The following CEP112 variants were observed in gnomAD, a reference collection of about 807,000 sequenced individuals.
The protein encoded by CEP112 is centrosomal protein of 112 kDa.
In CEP112, 127 loss-of-function variants were observed where a neutral mutation model predicts 153.0. The ratio of observed to expected loss-of-function variants is 0.83; its 90% CI spans 0.72 to 0.96. The LOEUF (loss-of-function observed/expected upper bound fraction) is 0.96, where lower values mean the gene tolerates loss of function less well. CEP112 is among the 40% of genes least tolerant of loss of function. The pLI, the probability that CEP112 is intolerant of heterozygous loss-of-function variation, is 0.00. For synonymous variants in CEP112, 358 were observed against 374.4 expected, an observed-to-expected ratio of 0.96 and a Z score of 0.51; for missense variants, 1,089 against 1,101.2, an observed-to-expected ratio of 0.99 and a Z score of 0.16.
At chr17:65,921,116 C>A (rs1014821339) in intron 19 of CEP112, among the ~76,000 whole-genome samples, 1 of 151,970 alleles carries the variant, frequency 6.6e-6, no homozygotes, top group Non-Finnish European at 1.5e-5. Context: ...GCCCTTTGAA[C>A]TATCACTTAA....
At chr17:65,995,385 C>T (rs1175391635) in intron 17 of CEP112, among the ~76,000 whole-genome samples, 2 of 152,288 alleles carry the variant, frequency 1.3e-5, no homozygotes, top group East Asian at 1.9e-4. Context: ...TTCAAATAGA[C>T]ATCTTTGATA....
At chr17:65,814,681 T>C (rs181093308) in intron 21 of CEP112, among the ~76,000 whole-genome samples, 29 of 152,234 alleles carry the variant, frequency 1.9e-4, no homozygotes, top group East Asian at 1.2e-3. Flanking sequence ...CTCAGAGGAA[T>C]TGCAAACCTA....
chr17:66,129,442 A>G (rs1292111705), intron 6 of CEP112, among the ~76,000 whole-genome samples: 1 of 152,188 alleles, frequency 6.6e-6, no homozygotes, highest in East Asian at 1.9e-4. Context: ...CGGGCGACTC[A>G]CATAACTCAT....
chr17:65,736,973 G>A (rs9303485), intron 23 of CEP112, among the ~76,000 whole-genome samples: 2,627 of 152,188 alleles, frequency 0.017, 86 homozygotes, highest in African/African-American at 0.06. Context: ...CCACAACAGC[G>A]ACCCGCAGAC....
chr17:66,025,503 C>A (rs937830851), intron 16 of CEP112, among the ~76,000 whole-genome samples: 2 of 151,852 alleles, frequency 1.3e-5, no homozygotes, highest in African/African-American at 4.8e-5. Flanking sequence ...CATGAGTAGA[C>A]ATTTTTCAAA....
chr17:65,733,438 C>A (rs903943362), intron 23 of CEP112, among the ~76,000 whole-genome samples: 1 of 152,012 alleles, frequency 6.6e-6, no homozygotes, highest in Non-Finnish European at 1.5e-5. Context: ...AAAAATGGTG[C>A]CAAAAGACTT....
chr17:65,679,909 G>A (rs1449044835), intron 24 of CEP112, among the ~76,000 whole-genome samples: 1 of 152,212 alleles, frequency 6.6e-6, no homozygotes, highest in Non-Finnish European at 1.5e-5. Flanking sequence ...AGCTTCCAGA[G>A]TCGTCTAATA....
intron 21 of CEP112, among the ~76,000 whole-genome samples, chr17:65,790,982 C>T (rs562479013): frequency 2.6e-5 from 4 of 152,106 alleles, no homozygotes; most frequent in East Asian, 3.9e-4. Flanking sequence ...CCAAAATCAG[C>T]ACTGCAGGCT....
chr17:65,754,540 G>A (rs1214792797), intron 21 of CEP112, among the ~76,000 whole-genome samples: 2 of 152,110 alleles, frequency 1.3e-5, no homozygotes, highest in East Asian at 1.9e-4. Context: ...ACTGGGAGGC[G>A]GAGGTTGCAG....
At chr17:65,855,189 G>C (rs1466646106) in intron 20 of CEP112, among the ~76,000 whole-genome samples, 2 of 152,162 alleles carry the variant, frequency 1.3e-5, no homozygotes, top group Non-Finnish European at 2.9e-5. Context: ...GCTGTAAGAA[G>C]GTGGGTTGCA....
intron 20 of CEP112, among the ~76,000 whole-genome samples, chr17:65,883,966 C>T (rs554869879): frequency 6.6e-6 from 1 of 152,128 alleles, no homozygotes; most frequent in African/African-American, 2.4e-5. Context: ...ACTGAATGTA[C>T]GGTACATAGG....
At chr17:65,665,593 T>A (rs556594367) in intron 24 of CEP112, among the ~76,000 whole-genome samples, 2 of 152,208 alleles carry the variant, frequency 1.3e-5, no homozygotes, top group South Asian at 4.2e-4. Flanking sequence ...CTTGCAACCA[T>A]GAAAAGGACA....
intron 17 of CEP112, among the ~76,000 whole-genome samples, chr17:65,963,674 G>GGTGTGT (rs58215209): frequency 8.1e-4 from 120 of 147,628 alleles, no homozygotes; most frequent in Middle Eastern, 3.4e-3. Context: ...TATAGATAGG[G>GGTGTGT]GTGTGTGTGT....
intron 23 of CEP112, among the ~76,000 whole-genome samples, chr17:65,732,771 T>A (rs60860855): frequency 2.0e-5 from 3 of 152,230 alleles, no homozygotes; most frequent in Admixed American, 6.5e-5. Context: ...TGCAGCTTCC[T>A]CACCTCTCTC....
intron 8 of CEP112, among the ~76,000 whole-genome samples, chr17:66,070,763 T>A (rs1443273): frequency 6.6e-6 from 1 of 152,154 alleles, no homozygotes. Flanking sequence ...AAGTATTTGG[T>A]CACATGATTC....
chr17:65,784,463 A>C (rs1217954932), intron 21 of CEP112, among the ~76,000 whole-genome samples: 1 of 152,128 alleles, frequency 6.6e-6, no homozygotes, highest in African/African-American at 2.4e-5. Flanking sequence ...GCATGTCCCC[A>C]AGACTGGGGT....
chr17:66,097,779 T>C (rs79124699), intron 6 of CEP112, among the ~76,000 whole-genome samples: 6,375 of 152,328 alleles, frequency 0.042, 168 homozygotes, highest in South Asian at 0.065. Flanking sequence ...GACATATTGA[T>C]AGTTATCTCT....
At chr17:66,021,118 G>C (rs2064983986) in intron 16 of CEP112, among the ~76,000 whole-genome samples, 1 of 152,140 alleles carries the variant, frequency 6.6e-6, no homozygotes, top group African/African-American at 2.4e-5. Flanking sequence ...AACTAGGAGA[G>C]AGGCCAGGAG....
intron 17 of CEP112, among the ~76,000 whole-genome samples, chr17:65,980,754 C>A (rs2063197745): frequency 2.0e-5 from 3 of 152,088 alleles, no homozygotes; most frequent in African/African-American, 4.8e-5. Flanking sequence ...GCTTTCTGTT[C>A]CAGCTGGCTC....
Sources: allele counts gnomAD v4.1 joint callset (sites outside exome capture counted in the v4.1 genomes callset), GRCh38; gene constraint gnomAD v4.1.1; transcripts MANE v1.5; gene names NCBI Gene and HGNC (gene_info 2026-07-23, HGNC 2026-07-21).